ADAMTSL1: variants seen among roughly 807,000 people sequenced by gnomAD.
ADAMTSL1 encodes ADAMTS like 1, also known as ADAMTS-like protein 1.
In ADAMTSL1, 126 loss-of-function variants were observed where a neutral mutation model predicts 201.8. That is an observed-to-expected ratio of 0.62 (90% CI 0.54 to 0.72). ADAMTSL1 has a LOEUF of 0.72. Among genes scored for constraint, ADAMTSL1 ranks in the 30% least tolerant of loss-of-function variants. The pLI is 0.00. For synonymous variants in ADAMTSL1, 1,121 were observed against 903.4 expected, an observed-to-expected ratio of 1.24 and a Z score of -4.32; for missense variants, 2,679 against 2,277.8, an observed-to-expected ratio of 1.18 and a Z score of -3.59.
intron 1 of ADAMTSL1, among the ~76,000 whole-genome samples, chr9:17,989,940 C>T (rs561112770): frequency 9.7e-5 from 14 of 144,094 alleles, no homozygotes; most frequent in African/African-American, 2.8e-4. Flanking sequence ...TTTTCCCAAA[C>T]GTATTCTGCT....
intron 2 of ADAMTSL1, among the ~76,000 whole-genome samples, chr9:18,280,760 T>G (rs1186568667): frequency 6.6e-6 from 1 of 152,224 alleles, no homozygotes; most frequent in African/African-American, 2.4e-5. Flanking sequence ...CCTATGATTT[T>G]GCTAAATTCA....
chr9:18,330,181 G>C (rs1277530625), intron 2 of ADAMTSL1, among the ~76,000 whole-genome samples: 1 of 152,130 alleles, frequency 6.6e-6, no homozygotes, highest in Non-Finnish European at 1.5e-5. Flanking sequence ...ATCTTGCAAG[G>C]TAGTTTGGAG....
intron 15 of ADAMTSL1, among the ~76,000 whole-genome samples, chr9:18,731,685 A>T (rs1392539005): frequency 2.6e-5 from 4 of 152,166 alleles, no homozygotes; most frequent in Non-Finnish European, 5.9e-5. Context: ...GAAGCATAGC[A>T]GCATCTGCTT....
chr9:17,992,216 G>A lies in ADAMTSL1; in HGVS notation c.87+85294G>A, dbSNP rs1352751278. ...ATTCCAGGTTCATGTGGAGAGGTTG[G>A]GGGTAGGGCAGAGGTCAAGCTAGGG... On this transcript the variant is annotated intron_variant, in intron 1 of 29. Coordinates refer to the ADAMTSL1 transcript ENST00000680146. Among the ~76,000 whole-genome samples, 18 of 152,082 alleles carry A rather than the reference G, an allele frequency of 1.2e-4. No homozygotes were observed. In the East Asian group the frequency reaches 2.7e-3, roughly 23 times the overall value.
At chr9:18,611,589 T>G (rs1282399016) in intron 4 of ADAMTSL1, among the ~76,000 whole-genome samples, 2 of 152,184 alleles carry the variant, frequency 1.3e-5, no homozygotes, top group Admixed American at 6.5e-5. Flanking sequence ...TAAATCAGAC[T>G]GGGAGCACCT....
chr9:18,628,968 A>G (rs1826567139), intron 5 of ADAMTSL1, among the ~76,000 whole-genome samples: 1 of 152,166 alleles, frequency 6.6e-6, no homozygotes, highest in African/African-American at 2.4e-5. Context: ...AGCTCAAGTG[A>G]TCTACCTGCC....
intron 1 of ADAMTSL1, among the ~76,000 whole-genome samples, chr9:17,928,330 C>T (rs1826639151): frequency 6.6e-6 from 1 of 152,112 alleles, no homozygotes; most frequent in Non-Finnish European, 1.5e-5. Flanking sequence ...GCAGCACCTG[C>T]CTCTTGAGAC....
At chr9:18,232,614 G>C (rs1349183883) in intron 2 of ADAMTSL1, among the ~76,000 whole-genome samples, 1 of 152,074 alleles carries the variant, frequency 6.6e-6, no homozygotes, top group East Asian at 1.9e-4. Flanking sequence ...TGAATGAATG[G>C]GTTTGGTGGA....
chr9:18,451,300 C>T (rs1184640900), intron 2 of ADAMTSL1, among the ~76,000 whole-genome samples: 2 of 152,108 alleles, frequency 1.3e-5, no homozygotes, highest in Non-Finnish European at 2.9e-5. Flanking sequence ...ATGGTAAGAT[C>T]GCCACATAAG....
intron 1 of ADAMTSL1, among the ~76,000 whole-genome samples, chr9:18,080,306 G>C (rs1823437576): frequency 6.6e-6 from 1 of 152,164 alleles, no homozygotes; most frequent in Non-Finnish European, 1.5e-5. Flanking sequence ...CAGACTCAGA[G>C]GAGCGGTGGT....
intron 2 of ADAMTSL1, among the ~76,000 whole-genome samples, chr9:18,206,339 C>T (rs1175017052): frequency 6.6e-6 from 1 of 152,036 alleles, no homozygotes; most frequent in Non-Finnish European, 1.5e-5. Context: ...ACGTGGAGCC[C>T]AGGGAGCTGG....
At chr9:18,496,854 A>T (rs1822559088) in intron 1 of ADAMTSL1, among the ~76,000 whole-genome samples, 1 of 152,220 alleles carries the variant, frequency 6.6e-6, no homozygotes, top group Admixed American at 6.5e-5. Flanking sequence ...GGCTGATTGG[A>T]GTCACAGTTT....
chr9:17,922,526 C>T (rs1588420358), intron 1 of ADAMTSL1, among the ~76,000 whole-genome samples: 1 of 152,180 alleles, frequency 6.6e-6, no homozygotes, highest in Admixed American at 6.6e-5. Context: ...GTACCCCCTC[C>T]ATTCCCACCC....
At chr9:18,056,740 T>C (rs368193503) in intron 1 of ADAMTSL1, among the ~76,000 whole-genome samples, 46 of 152,252 alleles carry the variant, frequency 3.0e-4, no homozygotes, top group African/African-American at 1.1e-3. Flanking sequence ...AGAACCTCAG[T>C]GGGGTAACGT....
intron 2 of ADAMTSL1, among the ~76,000 whole-genome samples, chr9:18,255,746 C>T (rs989303284): frequency 1.3e-5 from 2 of 152,164 alleles, no homozygotes; most frequent in African/African-American, 4.8e-5. Flanking sequence ...TGCAATTCAT[C>T]GTTCTGTCGA....
chr9:18,391,973 C>T lies in ADAMTSL1; in HGVS notation c.208-112856C>T, dbSNP rs376989448. Among the ~76,000 whole-genome samples, 16 of 151,544 alleles carry T rather than the reference C, an allele frequency of 1.1e-4. No individual in the cohort carries two copies. The South Asian group carries it at 1.3e-3, about 12-fold the overall frequency. ...CCTAGTAGCTGGGACTACAGGTGCCCGCCACCATGCCCAGCGAATTTTTGT... is the reference window on the plus strand; with the variant it reads ...CCTAGTAGCTGGGACTACAGGTGCCTGCCACCATGCCCAGCGAATTTTTGT... On this transcript the variant is annotated intron_variant, in intron 2 of 29. Transcript: ENST00000680146.
At chr9:18,254,344 GGTT>G (rs1831584265) in intron 2 of ADAMTSL1, among the ~76,000 whole-genome samples, 1 of 55,086 alleles carries the variant, frequency 1.8e-5, no homozygotes, top group African/African-American at 6.1e-5. Context: ...TACTCTTTTT[GGTT>G]TTTTTTTTTT....
At chr9:17,949,538 C>A (rs997352592) in intron 1 of ADAMTSL1, among the ~76,000 whole-genome samples, 2 of 152,110 alleles carry the variant, frequency 1.3e-5, no homozygotes, top group Non-Finnish European at 2.9e-5. Context: ...TTTTATTAAT[C>A]AAATTATTTT....
intron 1 of ADAMTSL1, among the ~76,000 whole-genome samples, chr9:18,064,825 T>C (rs1586971709): frequency 6.6e-6 from 1 of 151,874 alleles, no homozygotes; most frequent in East Asian, 1.9e-4. Flanking sequence ...TTACATATGC[T>C]AATATTTTCT....
Sources: gnomAD v4.1 joint callset for allele counts (sites outside exome capture counted in the v4.1 genomes callset) on GRCh38, gnomAD v4.1.1 for gene constraint, MANE v1.5 for transcripts, NCBI Gene and HGNC (gene_info 2026-07-23, HGNC 2026-07-21) for gene names.